The following KHDRBS2 variants were observed in gnomAD, a reference collection of about 807,000 sequenced individuals.
KHDRBS2 encodes KH RNA binding domain containing, signal transduction associated 2, also known as KH domain-containing, RNA-binding, signal transduction-associated protein 2.
KHDRBS2 carries 26 observed loss-of-function variants against 44.3 expected under a neutral mutation model. The ratio of observed to expected loss-of-function variants is 0.59; its 90% CI spans 0.43 to 0.81. The LOEUF (loss-of-function observed/expected upper bound fraction) is 0.81, where lower values mean the gene tolerates loss of function less well. KHDRBS2 is among the 40% of genes least tolerant of loss of function. The pLI is 0.00. For synonymous variants in KHDRBS2, 194 were observed against 151.1 expected (o/e 1.28, Z -2.08); for missense variants, 476 against 433.1 (o/e 1.10, Z -0.88).
intron 1 of KHDRBS2, among the ~76,000 whole-genome samples, chr6:62,257,338 C>T (rs1837552104): frequency 6.6e-6 from 1 of 151,980 alleles, no homozygotes; most frequent in Non-Finnish European, 1.5e-5. Flanking sequence ...TAGCACATAA[C>T]CAGTGCTATA....
At chr6:62,257,564 A>C (rs1370102943) in intron 1 of KHDRBS2, among the ~76,000 whole-genome samples, 1 of 152,056 alleles carries the variant, frequency 6.6e-6, no homozygotes, top group Non-Finnish European at 1.5e-5. Context: ...TGTGAATATT[A>C]AGTTAGTGCC....
chr6:62,184,743 A>T (rs1823079803), intron 1 of KHDRBS2, among the ~76,000 whole-genome samples: 1 of 151,784 alleles, frequency 6.6e-6, no homozygotes, highest in Admixed American at 6.6e-5. Flanking sequence ...TCAGATAAGG[A>T]TTTCTTGCAT....
At chr6:62,227,117 T>C (rs1459113800) in intron 1 of KHDRBS2, among the ~76,000 whole-genome samples, 1 of 152,206 alleles carries the variant, frequency 6.6e-6, no homozygotes, top group African/African-American at 2.4e-5. Flanking sequence ...TTGTGTAGTA[T>C]AGCCATTTTC....
intron 7 of KHDRBS2, among the ~76,000 whole-genome samples, chr6:61,729,853 C>T (rs1246417522): frequency 6.6e-6 from 1 of 151,958 alleles, no homozygotes; most frequent in Non-Finnish European, 1.5e-5. Context: ...CAAAGATATT[C>T]TTTAGAAATA....
intron 3 of KHDRBS2, among the ~76,000 whole-genome samples, chr6:62,031,871 A>T (rs371839439): frequency 6.6e-6 from 1 of 152,080 alleles, no homozygotes. Flanking sequence ...GTAGAACCCC[A>T]GAGCCTTGAA....
intron 6 of KHDRBS2, among the ~76,000 whole-genome samples, chr6:61,772,115 T>A (rs1162092463): frequency 2.0e-5 from 3 of 152,204 alleles, no homozygotes; most frequent in Non-Finnish European, 2.9e-5. Flanking sequence ...AGATGTTCTT[T>A]GAAACTGACG....
At chr6:61,993,602 T>C (rs9363630) in intron 3 of KHDRBS2, among the ~76,000 whole-genome samples, 97,644 of 140,126 alleles carry the variant, frequency 0.7, 35,378 homozygotes, top group East Asian at 0.8. Flanking sequence ...AATAAGATCA[T>C]GGACAGGAGG....
chr6:62,071,158 A>C (rs957810408), intron 2 of KHDRBS2, among the ~76,000 whole-genome samples: 7 of 152,064 alleles, frequency 4.6e-5, no homozygotes, highest in Non-Finnish European at 1.0e-4. Flanking sequence ...GTTTCTGTTC[A>C]TGTCCTTCGC....
At chr6:61,648,467 A>G in the KHDRBS2 span, among the ~76,000 whole-genome samples, 1 of 152,148 alleles carries the variant, frequency 6.6e-6, no homozygotes, top group Non-Finnish European at 1.5e-5. Flanking sequence ...TTCCACAGCT[A>G]TTCTAATATG....
intron 1 of KHDRBS2, among the ~76,000 whole-genome samples, chr6:62,186,265 C>T (rs1202635972): frequency 6.6e-6 from 1 of 152,094 alleles, no homozygotes; most frequent in Non-Finnish European, 1.5e-5. Context: ...TAATATCCTC[C>T]TAAAACGGCT....
intron 1 of KHDRBS2, among the ~76,000 whole-genome samples, chr6:62,284,815 C>G (rs977542812): frequency 2.0e-5 from 3 of 152,070 alleles, no homozygotes; most frequent in African/African-American, 7.2e-5. Context: ...AGAATTTATT[C>G]TTCCTTGGTA....
intron 1 of KHDRBS2, among the ~76,000 whole-genome samples, chr6:62,224,429 A>G (rs1030782826): frequency 2.0e-5 from 3 of 152,226 alleles, no homozygotes; most frequent in African/African-American, 7.2e-5. Context: ...TGTAAAGTGT[A>G]GGTTTGTATG....
intron 8 of KHDRBS2, among the ~76,000 whole-genome samples, chr6:61,695,222 A>AAAAC (rs3054865): frequency 0.62 from 93,041 of 150,392 alleles, 29,647 homozygotes; most frequent in Non-Finnish European, 0.69. Context: ...ACCTCCTGAC[A>AAAAC]AAACAAACAA....
At chr6:62,203,400 T>C (rs1331925892) in intron 1 of KHDRBS2, among the ~76,000 whole-genome samples, 3 of 152,270 alleles carry the variant, frequency 2.0e-5, no homozygotes, top group Non-Finnish European at 2.9e-5. Context: ...TAACTTGATA[T>C]TTATTTAGAA....
At chr6:61,713,723 C>G (rs1770909660) in intron 7 of KHDRBS2, among the ~76,000 whole-genome samples, 1 of 151,310 alleles carries the variant, frequency 6.6e-6, no homozygotes, top group Non-Finnish European at 1.5e-5. Context: ...AATGTAGAAC[C>G]CAGATATAAA....
At chr6:61,948,132 T>G (rs1763978770) in intron 4 of KHDRBS2, among the ~76,000 whole-genome samples, 1 of 151,984 alleles carries the variant, frequency 6.6e-6, no homozygotes, top group African/African-American at 2.4e-5. Flanking sequence ...AGCAGATACT[T>G]GGAAAGAAAC....
At chr6:61,955,393 T>G (rs1766624106) in intron 4 of KHDRBS2, among the ~76,000 whole-genome samples, 1 of 84,148 alleles carries the variant, frequency 1.2e-5, no homozygotes, top group Non-Finnish European at 2.3e-5. Context: ...CATACGTATG[T>G]GTATGTATAC....
At chr6:61,804,064 C>A (rs1193728705) in intron 6 of KHDRBS2, among the ~76,000 whole-genome samples, 2 of 152,020 alleles carry the variant, frequency 1.3e-5, no homozygotes, top group Non-Finnish European at 2.9e-5. Context: ...TAATTCATTT[C>A]AAGATTAACC....
At chr6:62,082,543 T>A (rs370492881) in intron 2 of KHDRBS2, among the ~76,000 whole-genome samples, 1 of 152,140 alleles carries the variant, frequency 6.6e-6, no homozygotes, top group Non-Finnish European at 1.5e-5. Flanking sequence ...CATACTTTTA[T>A]TACTACATCT....
Sources: allele counts gnomAD v4.1 joint callset (sites outside exome capture counted in the v4.1 genomes callset), GRCh38; gene constraint gnomAD v4.1.1; transcripts MANE v1.5; gene names NCBI Gene and HGNC (gene_info 2026-07-23, HGNC 2026-07-21).